The following EML4 variants were observed in gnomAD, a reference collection of about 807,000 sequenced individuals.
The protein encoded by EML4 is EMAP like 4, also known as echinoderm microtubule-associated protein-like 4.
In EML4, 72 loss-of-function variants were observed where a neutral mutation model predicts 129.0. That is an observed-to-expected ratio of 0.56 (90% CI 0.46 to 0.68). The LOEUF (loss-of-function observed/expected upper bound fraction) is 0.68, where lower values mean the gene tolerates loss of function less well. Among genes scored for constraint, EML4 ranks in the 30% least tolerant of loss-of-function variants. EML4 has a pLI of 0.00. For missense variants in EML4, 1,363 were observed against 1,190.6 expected, an observed-to-expected ratio of 1.14 and a Z score of -2.13; for synonymous variants, 532 against 405.0, an observed-to-expected ratio of 1.31 and a Z score of -3.77.
intron 3 of EML4, among the ~76,000 whole-genome samples, chr2:42,257,521 A>C (rs1414495576): frequency 6.6e-6 from 1 of 152,188 alleles, no homozygotes; most frequent in Non-Finnish European, 1.5e-5. Flanking sequence ...AGAAATACCA[A>C]GATCTTCAGC....
At position 42,332,469 on chromosome 2, in the gene EML4, T is replaced by C; in HGVS notation, c.*2262T>C. The C allele has an allele frequency of 5.1e-6, 1 of 195,294 alleles. No individual in the cohort carries two copies. Among genetic ancestry groups the C allele is most frequent in the Non-Finnish European group, 1.1e-5 (1 of 93,584 alleles). 12.1% of individuals were successfully genotyped at this position (195,294 alleles called of 1,614,324 possible). A position where few individuals can be genotyped will look rare whatever the true frequency, so the allele number is the denominator to read the frequency against. On this transcript the variant is annotated 3_prime_UTR_variant, in exon 23 of 23. Coordinates refer to ENST00000318522, the MANE Select transcript of EML4 (RefSeq NM_019063.5). ...GTTTCATGTGAAGATGTTGAGCCATTGCTATCATGCATTCCTGTCTCATGG... is the reference window on the plus strand; with the variant it reads ...GTTTCATGTGAAGATGTTGAGCCATCGCTATCATGCATTCCTGTCTCATGG...
chr2:42,281,087 T>C (rs1416158965), intron 7 of EML4, 114 bp downstream of exon 7: 2 of 869,328 alleles, frequency 2.3e-6, no homozygotes, highest in East Asian at 2.8e-5. Context: ...TAACAGCTAC[T>C]TAAAAAATTA....
Position 42,331,079 on chromosome 2 carries a change from T to C in EML4, c.*872T>C. The C allele has an allele frequency of 4.6e-6, 1 of 218,064 alleles. No individual in the cohort carries two copies. The highest frequency in any genetic ancestry group is 9.2e-6 in the Non-Finnish European group (1 of 108,194). 13.5% of individuals were successfully genotyped at this position (218,064 alleles called of 1,614,324 possible). A position where few individuals can be genotyped will look rare whatever the true frequency, so the allele number is the denominator to read the frequency against. ...TAAACTGTAATAATTACCTGGCTAATTTCAGCTAAGCCTTCATCATAATTT... is the reference window on the plus strand; with the variant it reads ...TAAACTGTAATAATTACCTGGCTAACTTCAGCTAAGCCTTCATCATAATTT... On this transcript the variant is annotated 3_prime_UTR_variant, in exon 23 of 23. Transcript: ENST00000318522.
At chr2:42,247,080 TAAA>T (rs1461943517) in intron 2 of EML4, among the ~76,000 whole-genome samples, 3 of 152,198 alleles carry the variant, frequency 2.0e-5, no homozygotes, top group Non-Finnish European at 4.4e-5. Flanking sequence ...AATTACTTTT[TAAA>T]ATTTGTTAAA....
intron 8 of EML4, 122 bp downstream of exon 8, chr2:42,283,094 G>A: frequency 2.2e-6 from 2 of 917,712 alleles, no homozygotes; most frequent in Non-Finnish European, 3.2e-6. Flanking sequence ...AATATTATGG[G>A]TCATCTGTTG....
chr2:42,295,170 G>A lies in EML4; in HGVS notation c.1264G>A (p.Ala422Thr), dbSNP rs1252878219. Residue 422 changes from alanine (A) to threonine (T), a missense_variant, in exon 12 of 23, where the codon GCA (alanine) becomes ACA (threonine). Physicochemically the swap from Ala to Thr is moderately conservative, Grantham distance 58. Coordinates refer to ENST00000318522, the MANE Select transcript of EML4 (RefSeq NM_019063.5). ...VLAVEFHPTD[A>T]NTIITCGKSH... ...GGCTGTGGAGTTTCACCCAACAGATGCAAATACCATAATTACATGCGGTAA... is the reference window on the plus strand; with the variant it reads ...GGCTGTGGAGTTTCACCCAACAGATACAAATACCATAATTACATGCGGTAA... 1 of 1,612,874 alleles carries A rather than the reference G, an allele frequency of 6.2e-7. No homozygotes were observed. The highest frequency in any genetic ancestry group is 8.5e-7 in the Non-Finnish European group (1 of 1,179,658).
intron 1 of EML4, among the ~76,000 whole-genome samples, chr2:42,227,841 A>G (rs1430437195): frequency 6.6e-6 from 1 of 152,224 alleles, no homozygotes; most frequent in African/African-American, 2.4e-5. Flanking sequence ...TATAACATAC[A>G]AAATATGTGT....
intron 19 of EML4, chr2:42,319,849 T>G (rs1482203275): frequency 6.6e-6 from 1 of 152,224 alleles, no homozygotes; most frequent in Non-Finnish European, 1.5e-5. Flanking sequence ...TGTTAACTAC[T>G]CAACATTTAG....
At chr2:42,178,153 G>T (rs148040637) in intron 1 of EML4, among the ~76,000 whole-genome samples, 54 of 152,340 alleles carry the variant, frequency 3.5e-4, no homozygotes, top group African/African-American at 1.3e-3. Flanking sequence ...TGTAGAATCA[G>T]TGTAATTCAG....
At chr2:42,276,519 G>C (rs60203260) in intron 6 of EML4, among the ~76,000 whole-genome samples, 1 of 151,910 alleles carries the variant, frequency 6.6e-6, no homozygotes, top group East Asian at 1.9e-4. Flanking sequence ...GCTGTTCTGC[G>C]GACAGTCACT....
chr2:42,309,273 G>A (rs2103755949), intron 17 of EML4, among the ~76,000 whole-genome samples: 1 of 151,892 alleles, frequency 6.6e-6, no homozygotes, highest in South Asian at 2.1e-4. Context: ...GCCAGGCATG[G>A]TGGCACATGC....
At position 42,222,314 on chromosome 2, in the gene EML4, C is replaced by T. The variant is rs997739902; in HGVS notation, c.26-23191C>T. Among the ~76,000 whole-genome samples the T allele has an allele frequency of 2.0e-5, 3 of 152,048 alleles. No homozygotes were observed. The East Asian group carries it at 5.8e-4, about 29-fold the overall frequency. On this transcript the variant is annotated intron_variant, in intron 1 of 22. Coordinates refer to ENST00000318522, the MANE Select transcript of EML4 (RefSeq NM_019063.5). ...CATATCGGGTTGACAAACTTTAGCA[C>T]TTTATGGCAAAATTCACTGTTTTGT...
At chr2:42,216,475 T>C (rs1673200690) in intron 1 of EML4, among the ~76,000 whole-genome samples, 1 of 151,610 alleles carries the variant, frequency 6.6e-6, no homozygotes, top group South Asian at 2.1e-4. Context: ...ACTCCTGACG[T>C]CGTGATCCAC....
At chr2:42,249,994 C>G (rs1675659079) in intron 2 of EML4, among the ~76,000 whole-genome samples, 2 of 152,096 alleles carry the variant, frequency 1.3e-5, no homozygotes, top group Admixed American at 6.6e-5. Context: ...TTTTAGCTGC[C>G]AAGAAGATGA....
At chr2:42,261,499 A>T (rs1665734621) in intron 4 of EML4, 29 of 86,308 alleles carry the variant, frequency 3.4e-4, no homozygotes, top group East Asian at 1.4e-3. Flanking sequence ...TAAAACTGGA[A>T]AAAAAAAAAA....
At chr2:42,285,918 G>A (rs142181182) in intron 9 of EML4, 4 of 248,412 alleles carry the variant, frequency 1.6e-5, no homozygotes, top group Non-Finnish European at 2.4e-5. Flanking sequence ...TTTTAATAGC[G>A]GTATCACTTT....
intron 1 of EML4, among the ~76,000 whole-genome samples, chr2:42,228,250 A>G (rs188763496): frequency 1.8e-4 from 28 of 152,122 alleles, no homozygotes; most frequent in African/African-American, 6.0e-4. Context: ...ATGGATTTAT[A>G]TACTTGAAAA....
intron 21 of EML4, 149 bp from the exon 22 acceptor site, chr2:42,328,737 A>T: frequency 4.9e-6 from 3 of 610,552 alleles, no homozygotes; most frequent in Non-Finnish European, 7.8e-6. Flanking sequence ...AGTGTGAGCC[A>T]CTGAGAAATT....
At chr2:42,197,164 G>A (rs971358907) in intron 1 of EML4, among the ~76,000 whole-genome samples, 1 of 152,112 alleles carries the variant, frequency 6.6e-6, no homozygotes, top group African/African-American at 2.4e-5. Flanking sequence ...CCAGGATCAG[G>A]TGATACCCCC....
Sources: allele counts gnomAD v4.1 joint callset (sites outside exome capture counted in the v4.1 genomes callset), GRCh38; gene constraint gnomAD v4.1.1; transcripts MANE v1.5; gene names NCBI Gene and HGNC (gene_info 2026-07-23, HGNC 2026-07-21).